The following TMEM132D variants were observed in gnomAD, a reference collection of about 807,000 sequenced individuals.
The protein encoded by TMEM132D is mature OL transmembrane protein.
In TMEM132D, 21 loss-of-function variants were observed where a neutral mutation model predicts 62.3. That is an observed-to-expected ratio of 0.34 (90% confidence interval 0.24 to 0.49). The LOEUF (loss-of-function observed/expected upper bound fraction) is 0.49. Among genes scored for constraint, TMEM132D ranks in the 20% least tolerant of loss-of-function variants. The pLI, the probability that TMEM132D is intolerant of heterozygous loss-of-function variation, is 0.99. For missense variants in TMEM132D, 1,346 were observed against 1,402.8 expected (o/e 0.96, Z 0.65); for synonymous variants, 621 against 575.6 (o/e 1.08, Z -1.13).
chr12:129,453,817 T>C (rs1335800911), intron 3 of TMEM132D, among the ~76,000 whole-genome samples: 1 of 152,238 alleles, frequency 6.6e-6, no homozygotes, highest in African/African-American at 2.4e-5. Context: ...TAATCACTGC[T>C]ACTACTGTGT....
chr12:129,759,089 A>G (rs1412206244), intron 1 of TMEM132D, among the ~76,000 whole-genome samples: 1 of 152,036 alleles, frequency 6.6e-6, no homozygotes, highest in Non-Finnish European at 1.5e-5. Context: ...GTGCATCATC[A>G]TGCCTGGCTA....
At chr12:129,834,390 A>G (rs2137337282) in intron 1 of TMEM132D, among the ~76,000 whole-genome samples, 1 of 152,122 alleles carries the variant, frequency 6.6e-6, no homozygotes, top group South Asian at 2.1e-4. Context: ...CAGGACAGGC[A>G]ATTTCTCAAG....
intron 2 of TMEM132D, among the ~76,000 whole-genome samples, chr12:129,668,001 G>A (rs563672826): frequency 6.6e-5 from 10 of 151,230 alleles, no homozygotes; most frequent in South Asian, 2.1e-4. Flanking sequence ...GTCTCCTTTC[G>A]GTCCTCTTTA....
intron 2 of TMEM132D, among the ~76,000 whole-genome samples, chr12:129,590,011 T>G (rs12316082): frequency 0.058 from 8,801 of 152,280 alleles, 733 homozygotes; most frequent in African/African-American, 0.17. Context: ...TTCTATTATG[T>G]TCTCTTTTAG....
chr12:129,141,134 G>A (rs1202426032), intron 5 of TMEM132D, among the ~76,000 whole-genome samples: 2 of 152,126 alleles, frequency 1.3e-5, no homozygotes, highest in South Asian at 4.2e-4. Flanking sequence ...TGCTTTCTGC[G>A]AACTCAACAT....
intron 1 of TMEM132D, among the ~76,000 whole-genome samples, chr12:129,883,962 C>T (rs78706190): frequency 0.061 from 9,230 of 152,174 alleles, 341 homozygotes; most frequent in African/African-American, 0.083. Context: ...GACAGGATCT[C>T]GCTCTGTCAC....
intron 1 of TMEM132D, among the ~76,000 whole-genome samples, chr12:129,890,256 G>T (rs1389334699): frequency 6.6e-6 from 1 of 152,220 alleles, no homozygotes; most frequent in Non-Finnish European, 1.5e-5. Context: ...GCGCAGGGCA[G>T]TGAGTGACAT....
chr12:129,088,033 GGTGTCCTCT>G (rs1318808445), intron 5 of TMEM132D, among the ~76,000 whole-genome samples: 7 of 104,032 alleles, frequency 6.7e-5, no homozygotes, highest in African/African-American at 2.5e-4. Flanking sequence ...CCATGACCGG[GGTGTCCTCT>G]ATGACCGGGT....
chr12:129,456,087 G>A (rs1270849883), intron 3 of TMEM132D, among the ~76,000 whole-genome samples: 2 of 152,170 alleles, frequency 1.3e-5, no homozygotes, highest in African/African-American at 4.8e-5. Context: ...GGATATTGGA[G>A]AAGTTAAAAC....
chr12:129,889,489 G>T (rs1283185771), intron 1 of TMEM132D, among the ~76,000 whole-genome samples: 2 of 152,152 alleles, frequency 1.3e-5, no homozygotes, highest in African/African-American at 2.4e-5. Context: ...GGCATTACCT[G>T]TTCCTGCAGC....
At chr12:129,316,310 C>T (rs1413460367) in intron 4 of TMEM132D, among the ~76,000 whole-genome samples, 1 of 152,048 alleles carries the variant, frequency 6.6e-6, no homozygotes, top group African/African-American at 2.4e-5. Context: ...TTAGCACTGC[C>T]TTTGCTGTAT....
At chr12:129,878,817 C>T (rs1209032526) in intron 1 of TMEM132D, among the ~76,000 whole-genome samples, 1 of 152,160 alleles carries the variant, frequency 6.6e-6, no homozygotes, top group African/African-American at 2.4e-5. Flanking sequence ...GATCCACCTG[C>T]CTTGGCCTCC....
Position 129,903,234 on chromosome 12 carries a change from G to A in TMEM132D, c.79+27C>T, listed in dbSNP as rs1423345148. ...CTCACTCCAGGCGAAGTTAGTCCCC[G>A]GGCCCTGGCGGCCGCGGCGTCCTCA... On this transcript the variant is annotated intron_variant, in intron 1 of 8. Coordinates refer to ENST00000422113, the MANE Select transcript of TMEM132D (RefSeq NM_133448.3). This position sits in a 1 kb window ranked among gnomAD's most constrained non-coding sequence, Gnocchi z 6.2. 2.6e-6 allele frequency: 4 copies of A among 1,551,008 alleles called. No homozygotes were observed. Among genetic ancestry groups the A allele is most frequent in the African/African-American group, 2.7e-5 (2 of 73,024 alleles).
At chr12:129,582,979 G>C (rs1255026123) in intron 2 of TMEM132D, among the ~76,000 whole-genome samples, 1 of 151,840 alleles carries the variant, frequency 6.6e-6, no homozygotes, top group Non-Finnish European at 1.5e-5. Context: ...CACCAGGCTG[G>C]AGTGCAGTGG....
chr12:129,215,228 CTGTTCTCGCTTATACCACA>C (rs1219425958), intron 4 of TMEM132D, among the ~76,000 whole-genome samples: 1 of 152,264 alleles, frequency 6.6e-6, no homozygotes, highest in African/African-American at 2.4e-5. Flanking sequence ...AACATACCAC[CTGTTCTCGCTTATACCACA>C]TGTTCTCGCT....
At chr12:129,379,395 C>T (rs11060293) in intron 3 of TMEM132D, among the ~76,000 whole-genome samples, 39,808 of 151,904 alleles carry the variant, frequency 0.26, 5,338 homozygotes, top group African/African-American at 0.3. Flanking sequence ...TGTCTCTGTC[C>T]GTAGCAAGAC....
At chr12:129,572,946 T>C (rs1877558997) in intron 2 of TMEM132D, among the ~76,000 whole-genome samples, 1 of 152,188 alleles carries the variant, frequency 6.6e-6, no homozygotes, top group Admixed American at 6.5e-5. Context: ...TATACTTCAT[T>C]GAGAACTGTT....
intron 2 of TMEM132D, among the ~76,000 whole-genome samples, chr12:129,695,350 T>C (rs1166881587): frequency 6.6e-6 from 1 of 152,188 alleles, no homozygotes; most frequent in Non-Finnish European, 1.5e-5. Context: ...AAGGTATTAA[T>C]AAAAGAGGAA....
chr12:129,760,465 G>A (rs944679804), intron 1 of TMEM132D, among the ~76,000 whole-genome samples: 2 of 149,338 alleles, frequency 1.3e-5, no homozygotes, highest in Non-Finnish European at 3.0e-5. Flanking sequence ...CTGAGTAGCT[G>A]GGACTACAGG....
Sources: gnomAD v4.1 joint callset for allele counts (sites outside exome capture counted in the v4.1 genomes callset) on GRCh38, gnomAD v4.1.1 for gene constraint, Gnocchi (gnomAD v3.1) non-coding constraint, MANE v1.5 for transcripts, NCBI Gene and HGNC (gene_info 2026-07-23, HGNC 2026-07-21) for gene names.